Variants in CYP2C18 observed in about 807,000 individuals in gnomAD.
CYP2C18 encodes the protein cytochrome P450 2C18.
Under a neutral mutation model 41.3 loss-of-function variants are expected in CYP2C18, and 38 were observed. The observed-to-expected ratio is 0.92, with a 90% CI of 0.71 to 1.21. CYP2C18 has a LOEUF of 1.21. CYP2C18 is among the 50% of genes most tolerant of loss of function. The probability of loss-of-function intolerance (pLI) is 0.00; values close to 1 mark genes in which losing one functional copy is unlikely to be tolerated. For missense variants in CYP2C18, 635 were observed against 591.4 expected, an observed-to-expected ratio of 1.07 and a Z score of -0.77; for synonymous variants, 236 against 210.0, an observed-to-expected ratio of 1.12 and a Z score of -1.07.
At chr10:94,733,057 C>T (rs1212726085) in intron 7 of CYP2C18, among the ~76,000 whole-genome samples, 2 of 152,042 alleles carry the variant, frequency 1.3e-5, no homozygotes, top group East Asian at 1.9e-4. Flanking sequence ...AGGCTGCCCC[C>T]GAGTACTCAA....
At chr10:94,713,204 T>A (rs1847471129) in intron 5 of CYP2C18, among the ~76,000 whole-genome samples, 2 of 152,196 alleles carry the variant, frequency 1.3e-5, no homozygotes, top group Admixed American at 1.3e-4. Context: ...AATTATACTT[T>A]AAGTTCTAGG....
chr10:94,686,966 T>TA (rs1044119737), intron 1 of CYP2C18, among the ~76,000 whole-genome samples: 2 of 152,182 alleles, frequency 1.3e-5, no homozygotes, highest in African/African-American at 2.4e-5. Flanking sequence ...TTAAACGTCT[T>TA]AAAAAAGCAA....
At chr10:94,694,190 CT>C (rs926882095) in intron 3 of CYP2C18, among the ~76,000 whole-genome samples, 4 of 151,842 alleles carry the variant, frequency 2.6e-5, no homozygotes, top group South Asian at 2.1e-4. Context: ...CAGGAAATTC[CT>C]TTTTTTTCTT....
At chr10:94,718,972 T>C (rs1847603042) in intron 5 of CYP2C18, among the ~76,000 whole-genome samples, 1 of 152,114 alleles carries the variant, frequency 6.6e-6, no homozygotes. Context: ...GCTGTAGCTT[T>C]TTCTTCCCAG....
intron 4 of CYP2C18, among the ~76,000 whole-genome samples, chr10:94,705,073 G>T (rs748319358): frequency 4.6e-5 from 7 of 152,290 alleles, no homozygotes; most frequent in Non-Finnish European, 8.8e-5. Flanking sequence ...TCCACTGCGA[G>T]CAGGGCTGCC....
Position 94,694,962 on chromosome 10 carries a change from A to C in CYP2C18, c.527A>C (p.Asn176Thr). ...TTCATCCTGGGCTGTGCTCCCTGCA[A>C]TGTGATCTGCTCTGTTATTTTCCAT... ...PTFILGCAPC[N>T]VICSVIFHDR... Residue 176 changes from asparagine to threonine, a missense_variant, in exon 4 of 9, where the codon AAT (asparagine) becomes ACT (threonine). By Grantham distance (65) the Asn-to-Thr change is moderately conservative. Transcript: ENST00000285979. 1 of 1,613,208 alleles carries C rather than the reference A, an allele frequency of 6.2e-7. No individual in the cohort carries two copies. The highest frequency in any genetic ancestry group is 8.5e-7 in the Non-Finnish European group (1 of 1,179,892).
At chr10:94,684,915 G>C (rs558210618) in intron 1 of CYP2C18, among the ~76,000 whole-genome samples, 259 of 151,918 alleles carry the variant, frequency 1.7e-3, no homozygotes, top group African/African-American at 6.1e-3. Context: ...TCTCATTGTG[G>C]TTTTAATTTG....
chr10:94,733,821 C>T (rs1847874829), intron 8 of CYP2C18, among the ~76,000 whole-genome samples: 1 of 152,032 alleles, frequency 6.6e-6, no homozygotes, highest in South Asian at 2.1e-4. Context: ...CCCTAGCTCC[C>T]TAGACTGAGC....
rs547936426 is a variant in CYP2C18 at position 94,721,549 on chromosome 10, C to T, written c.961+1012C>T. Among the ~76,000 whole-genome samples the T allele has an allele frequency of 2.0e-5, 3 of 152,032 alleles. No individual in the cohort carries two copies. In the East Asian group the frequency reaches 5.8e-4, roughly 29 times the overall value. ...TGGTGAAGTCTGGGCTTTCAGTGTA[C>T]CCTTCACCTGAATAGTGTACATTGT... On this transcript the variant is annotated intron_variant, in intron 6 of 8. Coordinates refer to ENST00000285979, the MANE Select transcript of CYP2C18 (RefSeq NM_000772.3).
chr10:94,683,908 C>T lies in CYP2C18; in HGVS notation c.89C>T (p.Pro30Leu), dbSNP rs760964416. 6.2e-6 allele frequency: 10 copies of T among 1,611,072 alleles called. No individual in the cohort carries two copies. Among genetic ancestry groups the T allele is most frequent in the Middle Eastern group, 3.3e-4 (2 of 6,050 alleles). Residue 30 changes from proline to leucine, a missense_variant, in exon 1 of 9, where the codon CCG becomes CTG. By Grantham distance (98) the Pro-to-Leu change is moderately conservative. Transcript: ENST00000285979. ...CAGAGCTCTGGAAGAGGGAGGCTCC[C>T]GTCTGGCCCCACTCCTCTCCCGATT... Reference protein sequence around the residue: ...WRQSSGRGRLPSGPTPLPIIG... With the variant: ...WRQSSGRGRLLSGPTPLPIIG...
chr10:94,722,070 G>A (rs954369429), intron 6 of CYP2C18, among the ~76,000 whole-genome samples: 2 of 152,030 alleles, frequency 1.3e-5, no homozygotes, highest in African/African-American at 2.4e-5. Context: ...TTGATTCTTT[G>A]GGAAATACTA....
At chr10:94,688,002 G>A in intron 2 of CYP2C18, 70 bp downstream of exon 2, 1 of 1,595,642 alleles carries the variant, frequency 6.3e-7, no homozygotes, top group South Asian at 1.1e-5. Context: ...GGATGGGGAG[G>A]ATGGAAAACA....
chr10:94,698,695 G>A (rs1589795899), intron 4 of CYP2C18, among the ~76,000 whole-genome samples: 1 of 152,012 alleles, frequency 6.6e-6, no homozygotes, highest in South Asian at 2.1e-4. Flanking sequence ...TCCAGGAGCT[G>A]GTTTTTTTAA....
rs1847613265 is a variant in CYP2C18 at position 94,719,553 on chromosome 10, C to A, written c.820-843C>A. 2.0e-5 allele frequency among the ~76,000 whole-genome samples: 3 copies of A among 151,722 alleles called. No homozygotes were observed. The South Asian group carries it at 6.3e-4, about 32-fold the overall frequency. On this transcript the variant is annotated intron_variant, in intron 5 of 8. Transcript: ENST00000285979. ...ATGTAGCTGGGACCACAGATATGTG[C>A]AATTCACCTGGTTAATTTTTTGATT...
chr10:94,696,434 G>A (rs1403810134), intron 4 of CYP2C18, among the ~76,000 whole-genome samples: 1 of 152,102 alleles, frequency 6.6e-6, no homozygotes, highest in African/African-American at 2.4e-5. Flanking sequence ...CTGTTAGAAG[G>A]AAAACTAACA....
At chr10:94,731,227 A>G (rs1466779692) in intron 7 of CYP2C18, among the ~76,000 whole-genome samples, 2 of 152,036 alleles carry the variant, frequency 1.3e-5, no homozygotes, top group African/African-American at 2.4e-5. Context: ...AAAAATACAA[A>G]AAGTTAGCCA....
chr10:94,717,623 G>T (rs925352505), intron 5 of CYP2C18, among the ~76,000 whole-genome samples: 3 of 151,974 alleles, frequency 2.0e-5, no homozygotes, highest in Non-Finnish European at 4.4e-5. Flanking sequence ...AATCCATGTT[G>T]AGTTGCTTGA....
At chr10:94,688,411 AAG>A in intron 3 of CYP2C18, 137 bp downstream of exon 3, 1 of 1,088,566 alleles carries the variant, frequency 9.2e-7, no homozygotes, top group Non-Finnish European at 1.3e-6. Context: ...TGTAATGATC[AAG>A]TTAGGTGTTT....
At chr10:94,686,368 A>G (rs1411729500) in intron 1 of CYP2C18, among the ~76,000 whole-genome samples, 1 of 152,184 alleles carries the variant, frequency 6.6e-6, no homozygotes, top group African/African-American at 2.4e-5. Flanking sequence ...CTACATGAAT[A>G]CATCCTTTCC....
Sources: gnomAD v4.1 joint callset for allele counts (sites outside exome capture counted in the v4.1 genomes callset) on GRCh38, gnomAD v4.1.1 for gene constraint, MANE v1.5 for transcripts, NCBI Gene and HGNC (gene_info 2026-07-23, HGNC 2026-07-21) for gene names.